TRANK1: variants seen among roughly 807,000 people sequenced by gnomAD.
TRANK1 encodes the protein tetratricopeptide repeat and ankyrin repeat containing 1.
In TRANK1, 198 loss-of-function variants were observed where a neutral mutation model predicts 266.0. That is an observed-to-expected ratio of 0.74 (90% CI 0.66 to 0.84). TRANK1 has a LOEUF of 0.84. Among genes scored for constraint, TRANK1 ranks in the 40% least tolerant of loss-of-function variants. TRANK1 has a pLI of 0.00. For synonymous variants in TRANK1, 1,396 were observed against 1,384.1 expected, an observed-to-expected ratio of 1.01 and a Z score of -0.19; for missense variants, 3,326 against 3,634.6, an observed-to-expected ratio of 0.92 and a Z score of 2.18.
chr3:36,915,458 T>C (rs1362208702), intron 1 of TRANK1, among the ~76,000 whole-genome samples: 1 of 152,194 alleles, frequency 6.6e-6, no homozygotes, highest in African/African-American at 2.4e-5. Flanking sequence ...CATCCTACAG[T>C]GATAAAGAAC....
At chr3:36,918,416 T>C (rs2080155902) in intron 1 of TRANK1, among the ~76,000 whole-genome samples, 1 of 149,400 alleles carries the variant, frequency 6.7e-6, no homozygotes. Flanking sequence ...TTTACCACAG[T>C]TAAAATTTGT....
chr3:36,839,523 C>G (rs1276147734), intron 18 of TRANK1, among the ~76,000 whole-genome samples: 1 of 152,186 alleles, frequency 6.6e-6, no homozygotes, highest in Non-Finnish European at 1.5e-5. Context: ...TTCCCGTGAC[C>G]TGTGCCATTT....
chr3:36,829,679 A>G lies in TRANK1; in HGVS notation c.8711-17T>C. The G allele has an allele frequency of 1.2e-6, 2 of 1,612,238 alleles. No homozygotes were observed. Among genetic ancestry groups the G allele is most frequent in the Middle Eastern group, 1.6e-4 (1 of 6,062 alleles). On this transcript the variant is annotated splice_polypyrimidine_tract_variant and intron_variant, in intron 22 of 23. Transcript: ENST00000645898. ...CCTCCTCCGCTTCAGAAACCAAAGA[A>G]CATGGCTCTGAGTAAAGATGCCATT...
In TRANK1 at chr3:36,850,277, CA is replaced by C. The variant is rs2078969242; in HGVS notation, c.4887+1441del. 4.1e-6 allele frequency: 4 copies of C among 985,278 alleles called. No individual in the cohort carries two copies. In the South Asian group the frequency reaches 1.9e-4, roughly 46 times the overall value. 61.0% of individuals were successfully genotyped at this position (985,278 alleles called of 1,614,324 possible). On this transcript the variant is annotated intron_variant, in intron 15 of 23. Coordinates refer to ENST00000645898, the MANE Select transcript of TRANK1 (RefSeq NM_001329998.2). ...ATGAGTGTGCATCTGATTTTATTAG[CA>C]AAATTTAACAGGAAAGGAATGTACA...
chr3:36,859,942 G>A (rs1180970685), intron 11 of TRANK1, among the ~76,000 whole-genome samples: 5 of 152,154 alleles, frequency 3.3e-5, no homozygotes, highest in African/African-American at 1.2e-4. Context: ...GTGGCACTTT[G>A]AGGGCTAAGG....
intron 1 of TRANK1, among the ~76,000 whole-genome samples, chr3:36,932,297 G>T (rs138709299): frequency 2.1e-4 from 32 of 152,328 alleles, no homozygotes; most frequent in Middle Eastern, 3.4e-3. Flanking sequence ...ACAGCAGAGT[G>T]CAGTGGCTCA....
intron 1 of TRANK1, among the ~76,000 whole-genome samples, chr3:36,934,740 A>G (rs188104717): frequency 6.6e-6 from 1 of 152,312 alleles, no homozygotes; most frequent in East Asian, 1.9e-4. Context: ...TGAGCCAAAA[A>G]TCAACTTGTG....
intron 10 of TRANK1, among the ~76,000 whole-genome samples, chr3:36,862,432 A>G (rs1371207779): frequency 6.6e-6 from 1 of 152,216 alleles, no homozygotes; most frequent in Non-Finnish European, 1.5e-5. Context: ...TCTTATTTTA[A>G]TAGGAATCAG....
chr3:36,910,125 T>C (rs544253471), intron 1 of TRANK1, among the ~76,000 whole-genome samples: 1 of 152,220 alleles, frequency 6.6e-6, no homozygotes, highest in East Asian at 1.9e-4. Context: ...TGTATAAGGG[T>C]CCTAAGAAAC....
At chr3:36,920,763 G>A (rs1031839540) in intron 1 of TRANK1, among the ~76,000 whole-genome samples, 2 of 152,162 alleles carry the variant, frequency 1.3e-5, no homozygotes, top group Non-Finnish European at 2.9e-5. Context: ...AAGGAAAATA[G>A]TGGGGAGCCA....
intron 9 of TRANK1, among the ~76,000 whole-genome samples, 170 bp downstream of exon 9, chr3:36,873,956 T>TAA (rs373590008): frequency 7.9e-5 from 10 of 126,858 alleles, no homozygotes; most frequent in African/African-American, 2.9e-4. Context: ...ATTCTACCTT[T>TAA]AAAAAAAAAA....
chr3:36,889,993 T>G, intron 7 of TRANK1, 33 bp from the exon 8 acceptor site: 1 of 1,532,020 alleles, frequency 6.5e-7, no homozygotes, highest in Non-Finnish European at 8.7e-7. Context: ...ACTAATGTTT[T>G]CCACATACAG....
intron 1 of TRANK1, among the ~76,000 whole-genome samples, chr3:36,942,886 A>C (rs2125675365): frequency 1.3e-5 from 2 of 151,952 alleles, no homozygotes; most frequent in Middle Eastern, 3.4e-3. Context: ...AAAAAAAAAA[A>C]AAAACATAGA....
Position 36,855,568 on chromosome 3 carries a change from T to C in TRANK1, c.4154A>G (p.Lys1385Arg), listed in dbSNP as rs760109110. 4.3e-5 allele frequency: 69 copies of C among 1,613,772 alleles called. No individual in the cohort carries two copies. Among genetic ancestry groups the C allele is most frequent in the Middle Eastern group, 3.3e-4 (2 of 6,084 alleles). ...KLGRKRCPNF[K>R]EDRSEIYSLF... ...GCTGTAGATCTCACTCCGGTCTTCC[T>C]TGAAATTGGGGCACCGTTTCCTCCC... The change falls in exon 13 of 24, where the codon AAG becomes AGG. Residue 1385 changes from lysine to arginine, a missense_variant. By Grantham distance (26) the Lys-to-Arg change is conservative (BLOSUM62 2). Coordinates refer to ENST00000645898, the MANE Select transcript of TRANK1 (RefSeq NM_001329998.2).
At position 36,857,322 on chromosome 3, in the gene TRANK1, A is replaced by G; in HGVS notation, c.2400T>C (p.Leu800=). Residue 800 remains leucine (L), a synonymous_variant, in exon 13 of 24, where the codon CTT becomes CTC. Transcript: ENST00000645898. This position sits in a 1 kb window ranked among gnomAD's most constrained non-coding sequence, Gnocchi z 4.3. ...HAQVGLGALQ[L]VPDDNRGKEG... is the part of the protein sequence containing the mutation. ...CCTTCCCCCTGTTATCATCAGGCACAAGCTGCAAGGCCCCAAGGCCCACCT... is the reference window on the plus strand; with the variant it reads ...CCTTCCCCCTGTTATCATCAGGCACGAGCTGCAAGGCCCCAAGGCCCACCT... 1 of 1,608,918 alleles carries G rather than the reference A, an allele frequency of 6.2e-7. No homozygotes were observed. The highest frequency in any genetic ancestry group is 8.5e-7 in the Non-Finnish European group (1 of 1,177,522).
intron 8 of TRANK1, among the ~76,000 whole-genome samples, chr3:36,887,921 C>T (rs940317193): frequency 6.6e-6 from 1 of 152,176 alleles, no homozygotes; most frequent in Non-Finnish European, 1.5e-5. Flanking sequence ...TAAAATGGTA[C>T]AGCCACTTTG....
chr3:36,827,287 T>A lies in TRANK1; in HGVS notation c.*988A>T, dbSNP rs2078643054. ...TGCCAGCCAAGTGGCAGTGACGGAT[T>A]TGGCTTAGCTGGCTCCCTCCTCTGT... On this transcript the variant is annotated 3_prime_UTR_variant, in exon 24 of 24. Transcript: ENST00000645898. 1.3e-5 allele frequency: 2 copies of A among 152,208 alleles called. No individual in the cohort carries two copies. Among genetic ancestry groups the A allele is most frequent in the Non-Finnish European group, 2.9e-5 (2 of 68,058 alleles). The allele number at this position is 152,208 out of a possible 1,614,324, so 9.4% of individuals were successfully genotyped here.
intron 9 of TRANK1, among the ~76,000 whole-genome samples, chr3:36,868,090 C>T (rs996746163): frequency 2.6e-5 from 4 of 152,130 alleles, no homozygotes; most frequent in East Asian, 1.9e-4. Context: ...CCTAAGCTGC[C>T]GGAATAAACT....
chr3:36,860,393 ACACACACCCAGC>A (rs2079125642), intron 11 of TRANK1, among the ~76,000 whole-genome samples: 1 of 152,184 alleles, frequency 6.6e-6, no homozygotes, highest in Non-Finnish European at 1.5e-5. Context: ...CACACTCCAG[ACACACACCCAGC>A]CACGCATGAT....
Sources: gnomAD v4.1 joint callset for allele counts (sites outside exome capture counted in the v4.1 genomes callset) on GRCh38, gnomAD v4.1.1 for gene constraint, Gnocchi (gnomAD v3.1) non-coding constraint, MANE v1.5 for transcripts, NCBI Gene and HGNC (gene_info 2026-07-23, HGNC 2026-07-21) for gene names.